TTLL5: variants seen among roughly 807,000 people sequenced by gnomAD.
TTLL5 encodes tubulin tyrosine ligase like 5, also known as tubulin polyglutamylase TTLL5.
A neutral mutation model predicts 168.4 loss-of-function variants in TTLL5; 132 were observed. The ratio of observed to expected loss-of-function variants is 0.78; its 90% CI spans 0.68 to 0.91. The LOEUF is 0.91. Ranked by LOEUF, TTLL5 falls within the 40% of genes least tolerant of loss-of-function variation. The pLI is 0.00. For synonymous variants in TTLL5, 546 were observed against 558.6 expected (o/e 0.98, Z 0.32); for missense variants, 1,545 against 1,581.5 (o/e 0.98, Z 0.39).
Position 75,886,770 on chromosome 14 carries a change from G to C in TTLL5, c.3740+3868G>C, listed in dbSNP as rs770449511. The C allele has an allele frequency of 9.4e-6, 15 of 1,596,248 alleles. 1 individual carries two copies. The Admixed American group carries it at 1.2e-4, about 12-fold the overall frequency. On this transcript the variant is annotated intron_variant, in intron 30 of 31. Coordinates refer to ENST00000298832, the MANE Select transcript of TTLL5 (RefSeq NM_015072.5). ...CCAAGCAGTCAGCTGAACTGAGGAC[G>C]ACAGCCTACAAACAACTACATGCAT...
chr14:75,806,151 C>T (rs887107615), intron 27 of TTLL5, among the ~76,000 whole-genome samples: 1 of 152,030 alleles, frequency 6.6e-6, no homozygotes, highest in Admixed American at 6.6e-5. Context: ...CTGCCTCAGC[C>T]TCCCAAGTAG....
chr14:75,867,235 G>C (rs2030596370), intron 29 of TTLL5, among the ~76,000 whole-genome samples: 1 of 152,184 alleles, frequency 6.6e-6, no homozygotes, highest in African/African-American at 2.4e-5. Flanking sequence ...CAATGGGCTG[G>C]ATTTGGCCTA....
At chr14:75,921,855 A>G (rs909686433) in intron 31 of TTLL5, among the ~76,000 whole-genome samples, 17 of 152,266 alleles carry the variant, frequency 1.1e-4, no homozygotes, top group African/African-American at 4.1e-4. Context: ...CTTCCTATCC[A>G]TGAGCATGGA....
intron 31 of TTLL5, among the ~76,000 whole-genome samples, chr14:75,914,132 G>A (rs552779652): frequency 5.5e-5 from 8 of 145,564 alleles, no homozygotes; most frequent in South Asian, 2.2e-4. Flanking sequence ...GATGAGTCCC[G>A]CTCTGTCACT....
intron 21 of TTLL5, among the ~76,000 whole-genome samples, chr14:75,773,889 CAAAAAAAA>C (rs1158824704): frequency 2.8e-5 from 1 of 36,012 alleles, no homozygotes; most frequent in Non-Finnish European, 5.6e-5. Context: ...GATACCGTCT[CAAAAAAAA>C]AAAAAAATAC....
At chr14:75,949,959 A>G (rs994660337) in intron 31 of TTLL5, among the ~76,000 whole-genome samples, 2 of 152,106 alleles carry the variant, frequency 1.3e-5, no homozygotes, top group South Asian at 4.1e-4. Context: ...ATTTTTTGAA[A>G]TTTATATGAA....
chr14:75,673,639 C>T (rs767007545), intron 3 of TTLL5, among the ~76,000 whole-genome samples: 1 of 152,200 alleles, frequency 6.6e-6, no homozygotes, highest in Non-Finnish European at 1.5e-5. Flanking sequence ...TACATGAGCT[C>T]ATTTAATGTC....
intron 13 of TTLL5, 101 bp from the exon 14 acceptor site, chr14:75,733,888 T>A: frequency 3.6e-6 from 4 of 1,105,880 alleles, no homozygotes; most frequent in Non-Finnish European, 5.4e-6. Context: ...TTGCTCTTCA[T>A]TGACATTTGG....
chr14:75,670,686 A>G (rs1159407005), intron 3 of TTLL5, among the ~76,000 whole-genome samples: 1 of 152,098 alleles, frequency 6.6e-6, no homozygotes, highest in South Asian at 2.1e-4. Context: ...ATATCTTTTT[A>G]TGTACTTTTT....
intron 6 of TTLL5, among the ~76,000 whole-genome samples, chr14:75,695,654 G>A (rs1379498007): frequency 6.6e-6 from 1 of 152,026 alleles, no homozygotes; most frequent in Non-Finnish European, 1.5e-5. Context: ...TTCTCAGACC[G>A]GCCAACACTT....
chr14:75,746,241 A>G (rs1001029214), intron 17 of TTLL5, among the ~76,000 whole-genome samples: 1 of 151,906 alleles, frequency 6.6e-6, no homozygotes, highest in African/African-American at 2.4e-5. Context: ...TTTATGAAGA[A>G]TAGTTCATTA....
At chr14:75,880,308 A>T (rs1014909657) in intron 29 of TTLL5, among the ~76,000 whole-genome samples, 5 of 152,216 alleles carry the variant, frequency 3.3e-5, no homozygotes, top group African/African-American at 1.2e-4. Context: ...GGGGGAAAAA[A>T]TTATGAATTT....
At chr14:75,777,873 T>A (rs1213428439) in intron 23 of TTLL5, among the ~76,000 whole-genome samples, 1 of 152,098 alleles carries the variant, frequency 6.6e-6, no homozygotes, top group African/African-American at 2.4e-5. Context: ...TCCATAATTG[T>A]ATGGTGTTAT....
chr14:75,888,622 A>G (rs2032235140), intron 30 of TTLL5, among the ~76,000 whole-genome samples: 1 of 152,182 alleles, frequency 6.6e-6, no homozygotes, highest in Admixed American at 6.5e-5. Context: ...GGTATAGCTT[A>G]AAAGAAGGCT....
At chr14:75,949,682 C>G (rs1230664572) in intron 31 of TTLL5, among the ~76,000 whole-genome samples, 1 of 151,604 alleles carries the variant, frequency 6.6e-6, no homozygotes, top group Non-Finnish European at 1.5e-5. Flanking sequence ...ACCCCCGTCT[C>G]TACTAAAAAT....
intron 29 of TTLL5, 124 bp from the exon 30 acceptor site, chr14:75,882,561 A>T: frequency 1.4e-6 from 1 of 699,390 alleles, no homozygotes; most frequent in Non-Finnish European, 2.2e-6. Flanking sequence ...GTTTTTCCTT[A>T]AAAAAAAAAT....
chr14:75,825,357 G>A (rs1895062716), intron 28 of TTLL5, among the ~76,000 whole-genome samples: 1 of 152,142 alleles, frequency 6.6e-6, no homozygotes, highest in African/African-American at 2.4e-5. Flanking sequence ...GGCCTTTCTA[G>A]CCGAGGATGG....
At chr14:75,732,145 C>G (rs747077096) in intron 12 of TTLL5, 193 bp from the exon 13 acceptor site, 9 of 525,694 alleles carry the variant, frequency 1.7e-5, no homozygotes, top group Non-Finnish European at 3.0e-5. Context: ...GCATTGTTTT[C>G]TTATTCCTAG....
At chr14:75,904,325 T>C (rs2033058131) in intron 31 of TTLL5, 13 of 911,420 alleles carry the variant, frequency 1.4e-5, no homozygotes, top group African/African-American at 1.8e-5. Context: ...AAGGGAATCA[T>C]GGCCAAGTGT....
Sources: gnomAD v4.1 joint callset for allele counts (sites outside exome capture counted in the v4.1 genomes callset) on GRCh38, gnomAD v4.1.1 for gene constraint, MANE v1.5 for transcripts, NCBI Gene and HGNC (gene_info 2026-07-23, HGNC 2026-07-21) for gene names.